The following HADHB variants were observed in gnomAD, a reference collection of about 807,000 sequenced individuals.
HADHB encodes the protein trifunctional enzyme subunit beta, mitochondrial.
Under a neutral mutation model 61.9 loss-of-function variants are expected in HADHB, and 50 were observed. That is an observed-to-expected ratio of 0.81 (90% CI 0.64 to 1.02). The LOEUF (loss-of-function observed/expected upper bound fraction) is 1.02, where lower values mean the gene tolerates loss of function less well. HADHB is among the 50% of genes least tolerant of loss of function. HADHB has a pLI of 0.00. For synonymous variants in HADHB, 191 were observed against 201.6 expected, an observed-to-expected ratio of 0.95 and a Z score of 0.45; for missense variants, 504 against 586.5, an observed-to-expected ratio of 0.86 and a Z score of 1.45.
chr2:26,247,546 A>G (rs1671214961), intron 1 of HADHB, among the ~76,000 whole-genome samples: 1 of 152,142 alleles, frequency 6.6e-6, no homozygotes, highest in African/African-American at 2.4e-5. Context: ...GTATATATTT[A>G]TATAAGATAT....
intron 3 of HADHB, chr2:26,254,714 C>T (rs564104150): frequency 6.1e-5 from 30 of 488,444 alleles, no homozygotes; most frequent in Non-Finnish European, 1.0e-4. Context: ...TTTGAACCTG[C>T]TGGAGTCATG....
intron 5 of HADHB, 69 bp downstream of exon 5, chr2:26,270,066 A>G: frequency 1.0e-6 from 1 of 1,001,962 alleles, no homozygotes; most frequent in Non-Finnish European, 1.6e-6. Flanking sequence ...TTACACATAA[A>G]ATAGCAATTT....
intron 9 of HADHB, among the ~76,000 whole-genome samples, chr2:26,279,599 G>A (rs1483036300): frequency 6.6e-6 from 1 of 151,466 alleles, no homozygotes; most frequent in African/African-American, 2.4e-5. Flanking sequence ...GACCAGCCTG[G>A]TCAACAGCGT....
chr2:26,284,768 A>C (rs1672953762), intron 13 of HADHB, 115 bp from the exon 14 acceptor site: 1 of 759,140 alleles, frequency 1.3e-6, no homozygotes, highest in Non-Finnish European at 2.4e-6. Flanking sequence ...TGCCTGGCCG[A>C]TTTGTTCAAC....
At chr2:26,256,021 T>C (rs1271326794) in intron 3 of HADHB, among the ~76,000 whole-genome samples, 1 of 152,246 alleles carries the variant, frequency 6.6e-6, no homozygotes, top group Non-Finnish European at 1.5e-5. Context: ...GTGTTTAAAC[T>C]ATTCCTTATA....
At chr2:26,269,844 G>A (rs1672265263) in intron 4 of HADHB, 109 bp from the exon 5 acceptor site, 2 of 788,402 alleles carry the variant, frequency 2.5e-6, no homozygotes, top group Non-Finnish European at 4.6e-6. Context: ...AAAGTTAAGT[G>A]TGTTTGTAGC....
At position 26,290,119 on chromosome 2, in the gene HADHB, G is replaced by A. The variant is rs775509443; in HGVS notation, c.*166G>A. 1.5e-6 allele frequency: 1 copy of A among 682,388 alleles called. No individual in the cohort carries two copies. 42.3% of individuals were successfully genotyped at this position (682,388 alleles called of 1,614,324 possible). A position where few individuals can be genotyped will look rare whatever the true frequency, so the allele number is the denominator to read the frequency against. The stretch of plus-strand genomic sequence containing the variant: ...CACTTAAGCCTTGCCAGTGTTCTGA[G>A]CTTTTCAATAATCAGTTTACTGCTC... On this transcript the variant is annotated 3_prime_UTR_variant, in exon 16 of 16. Coordinates refer to ENST00000317799, the MANE Select transcript of HADHB (RefSeq NM_000183.3).
chr2:26,285,739 G>GTTTTTTTTTTTTTTGTTTTTTT lies in HADHB; in HGVS notation c.1389+182_1389+183insGTTTTTTTTTTTTTTTTTTTTT, dbSNP rs1553323308. Among the ~76,000 whole-genome samples, 22 of 65,094 alleles carry GTTTTTTTTTTTTTTGTTTTTTT rather than the reference G, an allele frequency of 3.4e-4. 4 individuals carry two copies. The highest frequency in any genetic ancestry group is 1.5e-3 in the African/African-American group (22 of 15,152). The allele number at this position is 65,094 out of a possible 152,430, so 42.7% of individuals were successfully genotyped here. A position where few individuals can be genotyped will look rare whatever the true frequency, so the allele number is the denominator to read the frequency against. On this transcript the variant is annotated intron_variant, in intron 15 of 15. Transcript: ENST00000317799. ...TCTGATAAAACTTTTTGTTTTTTGGGTTTTTTTTTTTTTTTTTTGAGACAG... is the reference window on the plus strand; with the variant it reads ...TCTGATAAAACTTTTTGTTTTTTGGGTTTTTTTTTTTTTTGTTTTTTTTTTTTTTTTTTTTTTTTTGAGACAG...
intron 1 of HADHB, among the ~76,000 whole-genome samples, chr2:26,245,851 C>T (rs1212648232): frequency 6.6e-6 from 1 of 152,130 alleles, no homozygotes; most frequent in East Asian, 1.9e-4. Context: ...TTATCATTTG[C>T]ATTTTCTAGA....
chr2:26,254,605 T>C, intron 3 of HADHB, 131 bp downstream of exon 3: 1 of 673,370 alleles, frequency 1.5e-6, no homozygotes, highest in South Asian at 1.6e-5. Context: ...TGAACATCTC[T>C]GTTGCCTTCA....
chr2:26,286,807 G>GTT (rs1232979244), intron 15 of HADHB, among the ~76,000 whole-genome samples: 7 of 130,874 alleles, frequency 5.3e-5, no homozygotes, highest in African/African-American at 1.5e-4. Context: ...TGCCTGGCCT[G>GTT]TTTTTGTTTT....
chr2:26,250,149 C>T (rs1313243124), intron 1 of HADHB, among the ~76,000 whole-genome samples: 2 of 152,104 alleles, frequency 1.3e-5, no homozygotes, highest in Admixed American at 1.3e-4. Flanking sequence ...GGCTTACAGG[C>T]ATGTGCCACC....
intron 7 of HADHB, among the ~76,000 whole-genome samples, chr2:26,277,862 C>T (rs757766352): frequency 7.9e-5 from 12 of 152,238 alleles, no homozygotes; most frequent in Non-Finnish European, 1.2e-4. Flanking sequence ...TTCCTTCCTT[C>T]ACCACTACCA....
chr2:26,271,930 TA>T (rs1672364674), intron 5 of HADHB, among the ~76,000 whole-genome samples: 1 of 152,188 alleles, frequency 6.6e-6, no homozygotes, highest in African/African-American at 2.4e-5. Flanking sequence ...ATTTTTAATT[TA>T]TTTTTTTCTG....
chr2:26,252,826 G>A (rs1182863079), intron 1 of HADHB, among the ~76,000 whole-genome samples: 3 of 152,192 alleles, frequency 2.0e-5, no homozygotes, highest in African/African-American at 7.2e-5. Flanking sequence ...TCAGTTCATG[G>A]AAGTGGAATT....
chr2:26,251,820 A>C (rs1671410481), intron 1 of HADHB, among the ~76,000 whole-genome samples: 1 of 152,208 alleles, frequency 6.6e-6, no homozygotes. Context: ...GACCCAAGAG[A>C]AGTTAAACCT....
Position 26,283,061 on chromosome 2 carries a change from A to G in HADHB, c.1061+10A>G. 1 of 1,577,192 alleles carries G rather than the reference A, an allele frequency of 6.3e-7. No homozygotes were observed. The highest frequency in any genetic ancestry group is 8.7e-7 in the Non-Finnish European group (1 of 1,146,246). On this transcript the variant is annotated intron_variant, in intron 12 of 15. Coordinates refer to ENST00000317799, the MANE Select transcript of HADHB (RefSeq NM_000183.3). Reference sequence around the variant, plus strand: ...ATCAACTATTACTTGGGTAGGTAGCAGTTTGTATCCTTGGACTATAATCAC... The same window carrying G: ...ATCAACTATTACTTGGGTAGGTAGCGGTTTGTATCCTTGGACTATAATCAC...
At chr2:26,262,336 C>T (rs959867952) in intron 3 of HADHB, among the ~76,000 whole-genome samples, 2 of 151,930 alleles carry the variant, frequency 1.3e-5, no homozygotes, top group African/African-American at 2.4e-5. Context: ...GAATGTTCTT[C>T]GAGCTATATT....
chr2:26,285,339 C>A, intron 14 of HADHB, 68 bp from the exon 15 acceptor site: 1 of 1,360,062 alleles, frequency 7.4e-7, no homozygotes. Flanking sequence ...CTTCGTAGTA[C>A]TAAGAGCCTA....
Sources: allele counts gnomAD v4.1 joint callset (sites outside exome capture counted in the v4.1 genomes callset), GRCh38; gene constraint gnomAD v4.1.1; transcripts MANE v1.5; gene names NCBI Gene and HGNC (gene_info 2026-07-23, HGNC 2026-07-21).